Variants in ASIC2 observed in about 807,000 individuals in gnomAD.
ASIC2 encodes acid sensing ion channel subunit 2, also known as acid-sensing ion channel 2.
Under a neutral mutation model 57.3 loss-of-function variants are expected in ASIC2, and 25 were observed. The ratio of observed to expected loss-of-function variants is 0.44; its 90% CI spans 0.32 to 0.61. The LOEUF is 0.61. Among genes scored for constraint, ASIC2 ranks in the 20% least tolerant of loss-of-function variants. The pLI is 0.06. For synonymous variants in ASIC2, 319 were observed against 307.5 expected, an observed-to-expected ratio of 1.04 and a Z score of -0.39; for missense variants, 641 against 738.1, an observed-to-expected ratio of 0.87 and a Z score of 1.52.
chr17:33,862,142 C>T (rs965922784), intron 1 of ASIC2, among the ~76,000 whole-genome samples: 2 of 152,248 alleles, frequency 1.3e-5, no homozygotes, highest in African/African-American at 4.8e-5. Context: ...AGGCCCCATC[C>T]TTCAATGTCC....
chr17:33,715,102 T>G (rs1597846810), intron 1 of ASIC2, among the ~76,000 whole-genome samples: 2 of 151,612 alleles, frequency 1.3e-5, no homozygotes, highest in East Asian at 1.9e-4. Flanking sequence ...TCGGCTCAAG[T>G]GATCCTCTTG....
chr17:33,479,603 C>A (rs1913337801), intron 1 of ASIC2, among the ~76,000 whole-genome samples: 1 of 152,212 alleles, frequency 6.6e-6, no homozygotes, highest in Admixed American at 6.5e-5. Context: ...AGTGGGCCTT[C>A]TGGGGTGCTT....
At chr17:33,597,594 A>T (rs1042713204) in intron 1 of ASIC2, among the ~76,000 whole-genome samples, 3 of 152,218 alleles carry the variant, frequency 2.0e-5, no homozygotes, top group African/African-American at 7.2e-5. Context: ...TATATAAAAT[A>T]GATGATAATT....
intron 1 of ASIC2, among the ~76,000 whole-genome samples, chr17:33,838,553 T>A (rs1204415204): frequency 6.6e-6 from 1 of 152,206 alleles, no homozygotes; most frequent in Non-Finnish European, 1.5e-5. Context: ...TGATAGTACT[T>A]GAATCAGGAG....
At chr17:33,862,900 C>G (rs1914134767) in intron 1 of ASIC2, among the ~76,000 whole-genome samples, 1 of 152,162 alleles carries the variant, frequency 6.6e-6, no homozygotes, top group Non-Finnish European at 1.5e-5. Flanking sequence ...AGTGGTTCAC[C>G]AAGCAGCATG....
intron 1 of ASIC2, among the ~76,000 whole-genome samples, chr17:33,498,649 TGCGCTGG>T: frequency 6.6e-6 from 1 of 152,282 alleles, no homozygotes; most frequent in East Asian, 1.9e-4. Context: ...GTCCCGGCAC[TGCGCTGG>T]GCTCTGGGAT....
intron 1 of ASIC2, among the ~76,000 whole-genome samples, chr17:33,652,411 T>C (rs1245343035): frequency 3.3e-5 from 5 of 152,196 alleles, no homozygotes; most frequent in African/African-American, 1.2e-4. Flanking sequence ...ATGTGCCAGG[T>C]ATGTTTTTAA....
intron 1 of ASIC2, among the ~76,000 whole-genome samples, chr17:33,478,485 A>G (rs773118915): frequency 7.9e-5 from 12 of 152,206 alleles, no homozygotes; most frequent in Non-Finnish European, 1.5e-4. Context: ...TGAACATGCT[A>G]TCTGAGACTG....
intron 1 of ASIC2, among the ~76,000 whole-genome samples, chr17:33,568,429 A>G (rs17782805): frequency 0.038 from 5,828 of 152,244 alleles, 166 homozygotes; most frequent in Non-Finnish European, 0.059. Flanking sequence ...TAAATTCCCT[A>G]TTTCATTTCA....
At chr17:33,401,224 C>G (rs1910275714) in intron 1 of ASIC2, among the ~76,000 whole-genome samples, 2 of 152,328 alleles carry the variant, frequency 1.3e-5, no homozygotes, top group Admixed American at 6.5e-5. Context: ...GCTAAAAAAG[C>G]ATAATCTTCC....
intron 1 of ASIC2, among the ~76,000 whole-genome samples, chr17:33,281,713 T>A (rs1597664606): frequency 6.6e-6 from 1 of 152,174 alleles, no homozygotes; most frequent in South Asian, 2.1e-4. Context: ...CGAGGCAGGG[T>A]GTGTCTTAGG....
At chr17:33,845,034 A>G (rs1040818768) in intron 1 of ASIC2, among the ~76,000 whole-genome samples, 1 of 152,184 alleles carries the variant, frequency 6.6e-6, no homozygotes, top group African/African-American at 2.4e-5. Context: ...TACATTTTTA[A>G]CCACATTGAA....
chr17:33,986,622 A>G (rs1192861527), intron 1 of ASIC2, among the ~76,000 whole-genome samples: 1 of 152,112 alleles, frequency 6.6e-6, no homozygotes, highest in Non-Finnish European at 1.5e-5. Context: ...AGGGACACTT[A>G]CTTCCTGCTC....
intron 1 of ASIC2, chr17:34,120,222 G>A (rs918457824): frequency 6.6e-6 from 1 of 152,186 alleles, no homozygotes; most frequent in Non-Finnish European, 1.5e-5. Flanking sequence ...AAAGTCATAA[G>A]GATATGCAGT....
chr17:33,239,351 A>AGGTGTCC (rs1908419154), intron 1 of ASIC2, among the ~76,000 whole-genome samples: 1 of 152,054 alleles, frequency 6.6e-6, no homozygotes, highest in African/African-American at 2.4e-5. Context: ...TTAAAATTGT[A>AGGTGTCC]ATCCCCCGGC....
In ASIC2 at chr17:34,041,075, GA is replaced by G. The variant is rs1908112633; in HGVS notation, c.555+114902del. Among the ~76,000 whole-genome samples the G allele has an allele frequency of 2.0e-5, 3 of 152,176 alleles. No individual in the cohort carries two copies. The South Asian group carries it at 6.2e-4, about 32-fold the overall frequency. On this transcript the variant is annotated intron_variant, in intron 1 of 9. Coordinates refer to the ASIC2 transcript ENST00000359872. ...GGGAAAGCATATATCTCAACAAGGA[GA>G]AATACCAAATGGGTCTACCATATGC...
chr17:33,569,313 T>C (rs1050919413), intron 1 of ASIC2: 3 of 152,256 alleles, frequency 2.0e-5, no homozygotes, highest in African/African-American at 7.2e-5. Context: ...CTTCATTCCA[T>C]GCTGTTGTGA....
intron 1 of ASIC2, among the ~76,000 whole-genome samples, chr17:33,392,110 C>T (rs1487183579): frequency 6.6e-6 from 1 of 152,112 alleles, no homozygotes; most frequent in Non-Finnish European, 1.5e-5. Flanking sequence ...ACCTCTAACA[C>T]CTCTATGTCT....
At chr17:33,980,955 T>TTTTTTTTTTTTTTTTTTTTTTTTTTTTGA in intron 1 of ASIC2, 1 of 149,314 alleles carries the variant, frequency 6.7e-6, no homozygotes, top group East Asian at 2.0e-4. Context: ...TTTTTTTTTT[T>TTTTTTTTTTTTTTTTTTTTTTTTTTTTGA]AGACAGAATC....
Sources: allele counts gnomAD v4.1 joint callset (sites outside exome capture counted in the v4.1 genomes callset), GRCh38; gene constraint gnomAD v4.1.1; transcripts MANE v1.5; gene names NCBI Gene and HGNC (gene_info 2026-07-23, HGNC 2026-07-21).